ZC3HC1: variants seen among roughly 807,000 people sequenced by gnomAD.
ZC3HC1 encodes the protein zinc finger C3HC-type protein 1.
A neutral mutation model predicts 61.9 loss-of-function variants in ZC3HC1; 38 were observed. The ratio of observed to expected loss-of-function variants is 0.61; its 90% CI spans 0.47 to 0.81. ZC3HC1 has a LOEUF of 0.81. Among genes scored for constraint, ZC3HC1 ranks in the 30% least tolerant of loss-of-function variants. The probability of loss-of-function intolerance (pLI) is 0.00; values close to 1 mark genes in which losing one functional copy is unlikely to be tolerated. For synonymous variants in ZC3HC1, 213 were observed against 229.9 expected, an observed-to-expected ratio of 0.93 and a Z score of 0.67; for missense variants, 554 against 622.7, an observed-to-expected ratio of 0.89 and a Z score of 1.17.
At chr7:130,033,819 T>C (rs987750247) in intron 4 of ZC3HC1, among the ~76,000 whole-genome samples, 2 of 152,162 alleles carry the variant, frequency 1.3e-5, no homozygotes, top group African/African-American at 4.8e-5. Flanking sequence ...TCCAAGTTGA[T>C]TTATTGTCCT....
chr7:130,024,585 C>T (rs113335257), intron 6 of ZC3HC1, 79 bp from the exon 7 acceptor site: 28,073 of 1,460,406 alleles, frequency 0.019, 307 homozygotes, highest in African/African-American at 0.032. Context: ...GTGAGTATGC[C>T]TTATCTCATC....
chr7:130,039,589 T>C (rs1349818526), intron 3 of ZC3HC1, 42 bp from the exon 4 acceptor site: 1 of 1,495,484 alleles, frequency 6.7e-7, no homozygotes, highest in Non-Finnish European at 9.1e-7. Context: ...AAACACTATA[T>C]AGATTCAAAA....
In ZC3HC1 at chr7:130,023,726, G is replaced by A. The variant is rs1793755395; in HGVS notation, c.1021-3C>T. 1.2e-6 allele frequency: 2 copies of A among 1,610,834 alleles called. No individual in the cohort carries two copies. The highest frequency in any genetic ancestry group is 1.7e-5 in the Admixed American group (1 of 59,820). On this transcript the variant is annotated splice_region_variant and splice_polypyrimidine_tract_variant and intron_variant, in intron 7 of 9. Coordinates refer to ENST00000358303, the MANE Select transcript of ZC3HC1 (RefSeq NM_016478.5). This position sits in a 1 kb window ranked among gnomAD's most constrained non-coding sequence, Gnocchi z 4.2. Reference sequence around the variant, plus strand: ...ATGGGACCAGGGCTCTTTTCAGCCTGAAGGAAAGGGGAGATAATGGAAGTA... The same window carrying A: ...ATGGGACCAGGGCTCTTTTCAGCCTAAAGGAAAGGGGAGATAATGGAAGTA...
At chr7:130,028,841 C>T in intron 5 of ZC3HC1, 61 bp downstream of exon 5, 1 of 1,573,350 alleles carries the variant, frequency 6.4e-7, no homozygotes. Flanking sequence ...AAAAGAAATG[C>T]TTCAGGTATA....
intron 4 of ZC3HC1, among the ~76,000 whole-genome samples, chr7:130,034,036 A>T (rs1794326446): frequency 6.6e-6 from 1 of 152,064 alleles, no homozygotes; most frequent in Non-Finnish European, 1.5e-5. Flanking sequence ...ATTGACATAA[A>T]CTGCACATGT....
intron 2 of ZC3HC1, among the ~76,000 whole-genome samples, chr7:130,041,596 C>A (rs1377991413): frequency 1.4e-5 from 2 of 147,376 alleles, no homozygotes; most frequent in African/African-American, 5.0e-5. Context: ...ACAGTCTCGG[C>A]TCGGTTTCTG....
Position 130,024,474 on chromosome 7 carries a change from A to G in ZC3HC1, c.809T>C (p.Ile270Thr). ...SSLESMQLSL[I>T]TCSQCMRKVG... ...CTTCCTCATACATTGCGAACATGTT[A>G]TCAGGGAGAGCTGCATGGATTCCAA... The change falls in exon 7 of 10, where the codon ATA becomes ACA. Residue 270 changes from isoleucine to threonine, a missense_variant. Transcript: ENST00000358303. 6.2e-7 allele frequency: 1 copy of G among 1,613,662 alleles called. No individual in the cohort carries two copies. Among genetic ancestry groups the G allele is most frequent in the South Asian group, 1.1e-5 (1 of 91,006 alleles).
chr7:130,030,880 G>A (rs1402289489), intron 4 of ZC3HC1, among the ~76,000 whole-genome samples: 1 of 149,670 alleles, frequency 6.7e-6, no homozygotes, highest in Non-Finnish European at 1.5e-5. Flanking sequence ...GTGTTAGCCA[G>A]GATGGTCTCG....
At chr7:130,047,422 G>T (rs1794907834) in intron 2 of ZC3HC1, among the ~76,000 whole-genome samples, 1 of 152,186 alleles carries the variant, frequency 6.6e-6, no homozygotes, top group African/African-American at 2.4e-5. Context: ...TCAAAAAAAG[G>T]TGTGTGATTT....
chr7:130,031,875 C>A (rs1161944569), intron 4 of ZC3HC1, among the ~76,000 whole-genome samples: 1 of 152,186 alleles, frequency 6.6e-6, no homozygotes, highest in East Asian at 1.9e-4. Flanking sequence ...CTTGGCAAGA[C>A]TGGGGGACTT....
At chr7:130,022,139 C>G (rs999933360) in intron 9 of ZC3HC1, among the ~76,000 whole-genome samples, 180 bp downstream of exon 9, 7 of 152,058 alleles carry the variant, frequency 4.6e-5, no homozygotes, top group Admixed American at 4.6e-4. Context: ...CCATTGGACT[C>G]CAGCCTAGGC....
intron 4 of ZC3HC1, among the ~76,000 whole-genome samples, chr7:130,034,389 G>A (rs1794344054): frequency 6.6e-6 from 1 of 150,440 alleles, no homozygotes; most frequent in Non-Finnish European, 1.5e-5. Context: ...GTTGGCTGAG[G>A]CAGAAGAATG....
intron 6 of ZC3HC1, among the ~76,000 whole-genome samples, 155 bp downstream of exon 6, chr7:130,026,003 T>C (rs552449144): frequency 2.4e-4 from 37 of 152,172 alleles, no homozygotes; most frequent in African/African-American, 7.0e-4. Flanking sequence ...ATTCTTATTA[T>C]CCATTCTCCT....
rs554512810 is a variant in ZC3HC1 at position 130,024,416 on chromosome 7, C to T, written c.867G>A (p.Ser289=). The part of the protein sequence containing the change: ...VGLWGFQQIE[S]SMTDLDASFG... ...AGGATGCATCCAGGTCAGTCATGGA[C>T]GATTCAATCTGCTGGAAGCCCCAGA... Residue 289 remains serine (S), a synonymous_variant, in exon 7 of 10, where the codon TCG becomes TCA. Transcript: ENST00000358303. The T allele has an allele frequency of 7.0e-5, 113 of 1,614,064 alleles. No individual in the cohort carries two copies. In the South Asian group the frequency reaches 1.0e-3, roughly 15 times the overall value.
intron 2 of ZC3HC1, among the ~76,000 whole-genome samples, chr7:130,046,064 A>T (rs1036482551): frequency 3.0e-4 from 45 of 152,074 alleles, no homozygotes; most frequent in African/African-American, 1.0e-3. Context: ...AAAACCAAAC[A>T]CATGTTCTCA....
rs1480113324 is a variant in ZC3HC1, at chr7:130,049,073, G to A, written c.218C>T (p.Thr73Ile). 1 of 1,609,634 alleles carries A rather than the reference G, an allele frequency of 6.2e-7. No individual in the cohort carries two copies. Among genetic ancestry groups the A allele is most frequent in the Non-Finnish European group, 8.5e-7 (1 of 1,178,146 alleles). Reference protein sequence around the residue: ...PQAEQPSLESTSKEAFFSRVE... With the variant: ...PQAEQPSLESISKEAFFSRVE... ...TCTGCTAAAGAAGGCTTCTTTGCTT[G>A]TAGATTCCAATGAAGGTTGTTCCGC... The change falls in exon 2 of 10, where the codon ACA becomes ATA. Residue 73 changes from threonine to isoleucine, a missense_variant. Transcript: ENST00000358303.
chr7:130,023,500 G>A lies in ZC3HC1; in HGVS notation c.1233+11C>T. 1 of 1,613,618 alleles carries A rather than the reference G, an allele frequency of 6.2e-7. No homozygotes were observed. Among genetic ancestry groups the A allele is most frequent in the Non-Finnish European group, 8.5e-7 (1 of 1,179,832 alleles). ...TATGCTCAGCCACTGCTACATGCGA[G>A]GTGGACTCACCGAACTGCTGGAGGA... is the stretch of plus-strand genomic sequence containing the variant. On this transcript the variant is annotated intron_variant, in intron 8 of 9. Transcript: ENST00000358303. This position sits in a 1 kb window ranked among gnomAD's most constrained non-coding sequence, Gnocchi z 4.2.
intron 4 of ZC3HC1, among the ~76,000 whole-genome samples, chr7:130,031,991 C>T (rs1056854359): frequency 6.6e-6 from 1 of 152,054 alleles, no homozygotes; most frequent in Non-Finnish European, 1.5e-5. Flanking sequence ...TTTGGGAGGC[C>T]GAGGTGGGCG....
intron 4 of ZC3HC1, among the ~76,000 whole-genome samples, chr7:130,034,777 C>T (rs1013749922): frequency 9.2e-5 from 14 of 152,156 alleles, no homozygotes; most frequent in African/African-American, 3.4e-4. Context: ...AGGCATGAGA[C>T]TCCATGCCTG....
Sources: gnomAD v4.1 joint callset for allele counts (sites outside exome capture counted in the v4.1 genomes callset) on GRCh38, gnomAD v4.1.1 for gene constraint, Gnocchi (gnomAD v3.1) non-coding constraint, MANE v1.5 for transcripts, NCBI Gene and HGNC (gene_info 2026-07-23, HGNC 2026-07-21) for gene names.